Variants in MGAT5 observed in about 807,000 individuals in gnomAD.
The protein encoded by MGAT5 is alpha-1,6-mannosylglycoprotein 6-beta-N-acetylglucosaminyltransferase.
Under a neutral mutation model 94.3 loss-of-function variants are expected in MGAT5, and 30 were observed. The observed-to-expected ratio is 0.32, with a 90% CI of 0.24 to 0.43. The LOEUF is 0.43. Ranked by LOEUF, MGAT5 falls within the 20% of genes least tolerant of loss-of-function variation. The probability of loss-of-function intolerance (pLI) is 1.00; values close to 1 mark genes in which losing one functional copy is unlikely to be tolerated. For missense variants in MGAT5, 691 were observed against 905.5 expected, an observed-to-expected ratio of 0.76 and a Z score of 3.04; for synonymous variants, 310 against 322.9, an observed-to-expected ratio of 0.96 and a Z score of 0.43.
At chr2:134,131,529 G>C (rs1686164664) in intron 1 of MGAT5, among the ~76,000 whole-genome samples, 1 of 150,828 alleles carries the variant, frequency 6.6e-6, no homozygotes, top group Non-Finnish European at 1.5e-5. Flanking sequence ...GCTTCTGCCA[G>C]GGTGATGATG....
At chr2:134,237,983 T>TCA (rs1681756850) in intron 1 of MGAT5, among the ~76,000 whole-genome samples, 3 of 152,152 alleles carry the variant, frequency 2.0e-5, no homozygotes, top group Admixed American at 2.0e-4. Context: ...ACTCCTGACC[T>TCA]TGTGATCCGC....
intron 1 of MGAT5, among the ~76,000 whole-genome samples, chr2:134,221,134 A>G (rs759584766): frequency 1.1e-4 from 16 of 152,226 alleles, no homozygotes; most frequent in Non-Finnish European, 2.1e-4. Flanking sequence ...CGAGCCAAGT[A>G]TGAGTGACCA....
intron 1 of MGAT5, among the ~76,000 whole-genome samples, chr2:134,244,758 C>T (rs901782497): frequency 7.2e-5 from 11 of 152,082 alleles, no homozygotes; most frequent in African/African-American, 2.2e-4. Context: ...CCCTCTCAAC[C>T]GAGGCAGTTT....
At chr2:134,431,637 T>C (rs1463775011) in intron 14 of MGAT5, among the ~76,000 whole-genome samples, 2 of 152,132 alleles carry the variant, frequency 1.3e-5, no homozygotes, top group Non-Finnish European at 2.9e-5. Flanking sequence ...GCCCTTCCCA[T>C]CCCTTGAATG....
chr2:134,162,601 C>T (rs947167728), intron 1 of MGAT5, among the ~76,000 whole-genome samples: 7 of 152,188 alleles, frequency 4.6e-5, no homozygotes, highest in African/African-American at 1.4e-4. Context: ...TCACTAAGGT[C>T]CCACAGTTAG....
intron 1 of MGAT5, among the ~76,000 whole-genome samples, chr2:134,120,945 T>C (rs1685547985): frequency 6.6e-6 from 1 of 151,914 alleles, no homozygotes; most frequent in Non-Finnish European, 1.5e-5. Flanking sequence ...TCAGCCCTGC[T>C]GCCGGGTCTG....
intron 15 of MGAT5, among the ~76,000 whole-genome samples, chr2:134,445,972 G>A (rs968957757): frequency 3.3e-5 from 5 of 152,184 alleles, no homozygotes; most frequent in African/African-American, 9.7e-5. Flanking sequence ...TCAGAGCTAT[G>A]GGATGGGCAC....
Position 134,438,010 on chromosome 2 carries a change from G to A in MGAT5, c.1870-3748G>A, listed in dbSNP as rs536377763. 1.1e-3 allele frequency among the ~76,000 whole-genome samples: 111 copies of A among 103,646 alleles called. 1 individual carries two copies. Among genetic ancestry groups the A allele is most frequent in the African/African-American group, 5.3e-3 (102 of 19,372 alleles). 68.0% of individuals were successfully genotyped at this position (103,646 alleles called of 152,430 possible). A position where few individuals can be genotyped will look rare whatever the true frequency, so the allele number is the denominator to read the frequency against. ...TGCCTGGGTGACACAGCGAGACTCC[G>A]TCTCAAAAAAAAAAAAAAAAGATTT... On this transcript the variant is annotated intron_variant, in intron 14 of 15. Coordinates refer to ENST00000281923, the MANE Select transcript of MGAT5 (RefSeq NM_002410.5).
Position 134,258,213 on chromosome 2 carries a change from G to GT in MGAT5, c.241+3570dup, listed in dbSNP as rs1327198435. 2.0e-5 allele frequency among the ~76,000 whole-genome samples: 3 copies of GT among 152,284 alleles called. No individual in the cohort carries two copies. In the South Asian group the frequency reaches 6.2e-4, roughly 32 times the overall value. On this transcript the variant is annotated intron_variant, in intron 1 of 15. Coordinates refer to ENST00000281923, the MANE Select transcript of MGAT5 (RefSeq NM_002410.5). ...GGAACACCTCCACTCCCATTTGTTT[G>GT]TAACAAATGCAATAACAGATAAACA...
chr2:134,401,930 C>T (rs1233549331), intron 10 of MGAT5, among the ~76,000 whole-genome samples: 1 of 152,170 alleles, frequency 6.6e-6, no homozygotes, highest in African/African-American at 2.4e-5. Flanking sequence ...GATCATGAAT[C>T]GCTTCATTTA....
At chr2:134,422,660 T>C in intron 12 of MGAT5, 143 bp from the exon 13 acceptor site, 1 of 632,534 alleles carries the variant, frequency 1.6e-6, no homozygotes, top group Non-Finnish European at 2.9e-6. Context: ...TGCTTATGGA[T>C]GGTTTTGATC....
At chr2:134,445,600 T>C (rs1201513699) in intron 15 of MGAT5, among the ~76,000 whole-genome samples, 1 of 149,724 alleles carries the variant, frequency 6.7e-6, no homozygotes, top group East Asian at 2.0e-4. Context: ...GTCAGCCCCA[T>C]TGGAGGGAGG....
At chr2:134,333,877 CA>C (rs1317373268) in intron 4 of MGAT5, among the ~76,000 whole-genome samples, 1 of 152,120 alleles carries the variant, frequency 6.6e-6, no homozygotes, top group Non-Finnish European at 1.5e-5. Context: ...CGAGGTTTCC[CA>C]GAGAAAGAAA....
intron 14 of MGAT5, among the ~76,000 whole-genome samples, chr2:134,432,537 A>C (rs1574088415): frequency 6.6e-6 from 1 of 152,182 alleles, no homozygotes. Context: ...GGAGAAATTG[A>C]AAAGGGGAGA....
chr2:134,435,587 T>A (rs964443010), intron 14 of MGAT5, among the ~76,000 whole-genome samples: 2 of 152,224 alleles, frequency 1.3e-5, no homozygotes, highest in Non-Finnish European at 2.9e-5. Flanking sequence ...TTCCTCTGGT[T>A]CATCATCCTT....
chr2:134,444,705 G>A (rs571592025), intron 15 of MGAT5, among the ~76,000 whole-genome samples: 10 of 152,328 alleles, frequency 6.6e-5, no homozygotes, highest in Non-Finnish European at 1.2e-4. Context: ...TATCCATAGC[G>A]TTTAAGAACC....
intron 11 of MGAT5, among the ~76,000 whole-genome samples, chr2:134,412,626 C>T (rs568358460): frequency 1.8e-4 from 28 of 152,132 alleles, no homozygotes; most frequent in Non-Finnish European, 3.1e-4. Flanking sequence ...TTTTTAGTTC[C>T]TTGGTGGAGG....
intron 2 of MGAT5, among the ~76,000 whole-genome samples, chr2:134,273,726 A>T (rs1236124342): frequency 6.6e-6 from 1 of 151,720 alleles, no homozygotes; most frequent in Non-Finnish European, 1.5e-5. Context: ...CAAATTTATC[A>T]CCGAGGGTTT....
intron 1 of MGAT5, among the ~76,000 whole-genome samples, chr2:134,266,214 A>G (rs1001432971): frequency 4.0e-5 from 6 of 149,822 alleles, no homozygotes; most frequent in Admixed American, 6.7e-5. Flanking sequence ...TCTTTATTTT[A>G]TTTTATTTTT....
Sources: allele counts gnomAD v4.1 joint callset (sites outside exome capture counted in the v4.1 genomes callset), GRCh38; gene constraint gnomAD v4.1.1; transcripts MANE v1.5; gene names NCBI Gene and HGNC (gene_info 2026-07-23, HGNC 2026-07-21).